The following HERC2 variants were observed in gnomAD, a reference collection of about 807,000 sequenced individuals.
HERC2 encodes the protein E3 ubiquitin-protein ligase HERC2.
A neutral mutation model predicts 537.7 loss-of-function variants in HERC2; 102 were observed. The ratio of observed to expected loss-of-function variants is 0.19; its 90% CI spans 0.16 to 0.22. The LOEUF (loss-of-function observed/expected upper bound fraction) is 0.22. Among genes scored for constraint, HERC2 ranks in the 10% least tolerant of loss-of-function variants. The probability of loss-of-function intolerance (pLI) is 1.00; values close to 1 mark genes in which losing one functional copy is unlikely to be tolerated. For synonymous variants in HERC2, 2,224 were observed against 2,466.2 expected, an observed-to-expected ratio of 0.90 and a Z score of 2.91; for missense variants, 4,236 against 6,198.2, an observed-to-expected ratio of 0.68 and a Z score of 10.63.
chr15:28,275,050 G>C (rs1347077661), intron 5 of HERC2, 45 bp from the exon 6 acceptor site: 2 of 1,256,338 alleles, frequency 1.6e-6, no homozygotes, highest in Admixed American at 1.7e-5. Flanking sequence ...AGCAGCAGAG[G>C]GTGCAGATAC....
Position 28,198,599 on chromosome 15 carries a change from A to C in HERC2, c.7885+2T>G, listed in dbSNP as rs1239682947. On this transcript the variant is annotated splice_donor_variant, in intron 49 of 92. Coordinates refer to ENST00000261609, the MANE Select transcript of HERC2 (RefSeq NM_004667.6). LOFTEE classifies it high-confidence loss of function. The stretch of plus-strand genomic sequence containing the variant: ...AAAGCACTGAACAAAGAATGTGCTC[A>C]CCTATAAGTTCCACATGAATGTACC... The C allele has an allele frequency of 6.2e-7, 1 of 1,611,444 alleles. No homozygotes were observed. The highest frequency in any genetic ancestry group is 1.7e-5 in the Admixed American group (1 of 59,624).
At chr15:28,315,208 C>T (rs2077049528) in intron 2 of HERC2, among the ~76,000 whole-genome samples, 1 of 152,238 alleles carries the variant, frequency 6.6e-6, no homozygotes, top group Non-Finnish European at 1.5e-5. Flanking sequence ...GGAATAAAAA[C>T]ACTGAGTTCC....
intron 56 of HERC2, among the ~76,000 whole-genome samples, chr15:28,183,896 T>C (rs530981473): frequency 6.6e-6 from 1 of 152,244 alleles, no homozygotes; most frequent in South Asian, 2.1e-4. Context: ...TACTTAAAAA[T>C]ATGTATGGGG....
chr15:28,246,130 G>C (rs1393680281), intron 22 of HERC2, 64 bp from the exon 23 acceptor site: 2 of 1,082,470 alleles, frequency 1.8e-6, no homozygotes, highest in Admixed American at 2.7e-5. Flanking sequence ...TTGTAAACTT[G>C]TTCTGTGTTT....
intron 78 of HERC2, among the ~76,000 whole-genome samples, chr15:28,139,291 C>T (rs188057138): frequency 2.6e-5 from 4 of 152,322 alleles, no homozygotes; most frequent in Admixed American, 2.6e-4. Flanking sequence ...GACCGGGGCT[C>T]TGTCTCCTCC....
intron 69 of HERC2, among the ~76,000 whole-genome samples, chr15:28,159,765 T>C (rs1395086597): frequency 3.9e-5 from 6 of 152,228 alleles, no homozygotes; most frequent in Admixed American, 3.3e-4. Context: ...CTTTGTTCCA[T>C]TGCTGGTGAG....
chr15:28,154,849 TTG>T (rs1424674442), intron 69 of HERC2, among the ~76,000 whole-genome samples: 1 of 152,016 alleles, frequency 6.6e-6, no homozygotes, highest in Non-Finnish European at 1.5e-5. Flanking sequence ...ATGTGCCATG[TTG>T]TTGTGCTGCA....
At chr15:28,257,356 T>C (rs1596335623) in intron 16 of HERC2, 95 bp from the exon 17 acceptor site, 7 of 975,262 alleles carry the variant, frequency 7.2e-6, no homozygotes, top group Non-Finnish European at 1.1e-5. Context: ...AGCTGCCTTA[T>C]ACTATTACCT....
chr15:28,253,278 T>C (rs189256496), intron 20 of HERC2, among the ~76,000 whole-genome samples: 2 of 152,330 alleles, frequency 1.3e-5, no homozygotes, highest in Admixed American at 6.5e-5. Flanking sequence ...AAAATAATGC[T>C]CACCATTCTT....
intron 2 of HERC2, among the ~76,000 whole-genome samples, chr15:28,319,384 C>A (rs1198790807): frequency 5.3e-5 from 8 of 151,338 alleles, no homozygotes; most frequent in Admixed American, 5.3e-4. Context: ...GTCAGGAGAC[C>A]AGCCAGGCCA....
At chr15:28,284,895 C>A (rs1356577869) in intron 4 of HERC2, among the ~76,000 whole-genome samples, 1 of 101,204 alleles carries the variant, frequency 9.9e-6, no homozygotes, top group Non-Finnish European at 1.8e-5. Context: ...CCTGCCTGGG[C>A]AAAAGGAGCG....
intron 70 of HERC2, among the ~76,000 whole-genome samples, chr15:28,146,659 G>A (rs1329107330): frequency 6.6e-6 from 1 of 151,176 alleles, no homozygotes; most frequent in South Asian, 2.1e-4. Flanking sequence ...CTGACCAGGG[G>A]CTGTGGGAAT....
intron 15 of HERC2, 127 bp downstream of exon 15, chr15:28,262,791 G>T: frequency 1.0e-6 from 1 of 959,852 alleles, no homozygotes; most frequent in Non-Finnish European, 1.6e-6. Context: ...TTCATGGAAT[G>T]TCAGGTTAAG....
At chr15:28,169,049 G>C (rs962561657) in intron 66 of HERC2, among the ~76,000 whole-genome samples, 3 of 152,242 alleles carry the variant, frequency 2.0e-5, no homozygotes, top group Non-Finnish European at 2.9e-5. Flanking sequence ...AGGTCCACAT[G>C]TGTGATACAT....
chr15:28,250,187 G>T (rs187400504), intron 20 of HERC2, among the ~76,000 whole-genome samples: 77 of 152,216 alleles, frequency 5.1e-4, no homozygotes, highest in African/African-American at 1.1e-3. Context: ...TGCCCCCGTG[G>T]CTCACACCAG....
intron 2 of HERC2, among the ~76,000 whole-genome samples, chr15:28,309,282 GT>G (rs1567149701): frequency 3.5e-4 from 54 of 152,314 alleles, no homozygotes; most frequent in African/African-American, 1.2e-3. Flanking sequence ...ATCTATTAAT[GT>G]GTTAAGGCCT....
chr15:28,282,789 G>A (rs569746219), intron 4 of HERC2, among the ~76,000 whole-genome samples: 1 of 152,082 alleles, frequency 6.6e-6, no homozygotes, highest in Non-Finnish European at 1.5e-5. Context: ...AAACTGAGCT[G>A]GGCATGGTGG....
At chr15:28,229,401 G>A in intron 33 of HERC2, 55 bp from the exon 34 acceptor site, 2 of 1,613,168 alleles carry the variant, frequency 1.2e-6, no homozygotes, top group Non-Finnish European at 1.7e-6. Flanking sequence ...TTCTGTTACA[G>A]AACAACATTT....
chr15:28,233,881 T>G, intron 27 of HERC2, 85 bp from the exon 28 acceptor site: 1 of 1,236,902 alleles, frequency 8.1e-7, no homozygotes, highest in Non-Finnish European at 1.2e-6. Context: ...TCTGACGCAC[T>G]TGCAATCACT....
Sources: allele counts gnomAD v4.1 joint callset (sites outside exome capture counted in the v4.1 genomes callset), GRCh38; gene constraint gnomAD v4.1.1; transcripts MANE v1.5; gene names NCBI Gene and HGNC (gene_info 2026-07-23, HGNC 2026-07-21).